The following FFAR1 variants were observed in gnomAD, a reference collection of about 807,000 sequenced individuals.
FFAR1 encodes the protein G-protein coupled receptor 40.
For missense variants in FFAR1, 424 were observed against 396.2 expected (o/e 1.07, Z -0.60); for synonymous variants, 216 against 201.5 (o/e 1.07, Z -0.61).
rs376911636 is a variant in FFAR1, at chr19:35,352,529, C to T, written c.*75C>T. ...TCCAGGCCCCTGCGGGGGGCTGCTT[C>T]GGAGGAACTGCAGGGCAGCCTGGCC... On this transcript the variant is annotated 3_prime_UTR_variant, in exon 1 of 1. Transcript: ENST00000246553. 7.5e-6 allele frequency: 11 copies of T among 1,469,712 alleles called. No individual in the cohort carries two copies. The African/African-American group carries it at 1.5e-4, about 21-fold the overall frequency. 91.0% of individuals were successfully genotyped at this position (1,469,712 alleles called of 1,614,324 possible). A position where few individuals can be genotyped will look rare whatever the true frequency, so the allele number is the denominator to read the frequency against.
chr19:35,351,759 G>C lies in FFAR1; in HGVS notation c.208G>C (p.Gly70Arg), dbSNP rs765530284. 25 of 1,569,516 alleles carry C rather than the reference G, an allele frequency of 1.6e-5. No individual in the cohort carries two copies. In the South Asian group the frequency reaches 1.8e-4, roughly 12 times the overall value. ...GAAGGCGGTGGAGGCGCTAGCCTCCGGGGCCTGGCCTCTGCCGGCCTCGCT... is the reference window on the plus strand; with the variant it reads ...GAAGGCGGTGGAGGCGCTAGCCTCCCGGGCCTGGCCTCTGCCGGCCTCGCT... Residue 70 changes from glycine to arginine, a missense_variant, in exon 1 of 1, where the codon GGG becomes CGG. Gly to Arg is a moderately radical substitution (Grantham distance 125). Transcript: ENST00000246553.
chr19:35,350,977 G>T (rs1003512240), upstream of FFAR1, among the ~76,000 whole-genome samples: 6 of 152,090 alleles, frequency 3.9e-5, no homozygotes, highest in African/African-American at 1.4e-4. Context: ...GGCTCTCCCT[G>T]GGGGACCCCC....
upstream of FFAR1, chr19:35,351,521 C>T (rs2066944099): frequency 6.5e-7 from 1 of 1,535,992 alleles, no homozygotes; most frequent in East Asian, 2.4e-5. Flanking sequence ...AGGTTGCACA[C>T]AGGAGCCGTG....
At chr19:35,350,096 G>A (rs143490498), upstream of FFAR1, among the ~76,000 whole-genome samples, 658 of 152,216 alleles carry the variant, frequency 4.3e-3, 7 homozygotes, top group African/African-American at 0.014. Context: ...GGGGGGAGTC[G>A]GCTTGGACAT....
upstream of FFAR1, among the ~76,000 whole-genome samples, chr19:35,350,244 T>C (rs1028072662): frequency 5.9e-5 from 9 of 152,192 alleles, no homozygotes; most frequent in Admixed American, 2.6e-4. Context: ...GCCACCACCA[T>C]GGGGCTAGTG....
exon 1 of FFAR1, chr19:35,352,777 G>A (rs1184907007): frequency 7.4e-6 from 3 of 405,210 alleles, no homozygotes; most frequent in South Asian, 3.1e-5. Context: ...TTGTACTTAC[G>A]GGAAGGAGGA....
chr19:35,353,413 C>T (rs1449599888), exon 1 of FFAR1: 1 of 152,016 alleles, frequency 6.6e-6, no homozygotes, highest in Non-Finnish European at 1.5e-5. Flanking sequence ...CCCTTGAGCC[C>T]AGGATTGAGG....
At chr19:35,352,242 C>G (rs1396971633) in exon 1 of FFAR1, 2 of 1,558,854 alleles carry the variant, frequency 1.3e-6, no homozygotes, top group South Asian at 2.3e-5. Flanking sequence ...CGGGGCCCTC[C>G]TCACGCTGCT....
exon 1 of FFAR1, chr19:35,351,670 C>CTAT (rs1568495671): frequency 7.1e-6 from 11 of 1,556,878 alleles, no homozygotes; most frequent in Non-Finnish European, 9.5e-6. Flanking sequence ...CGTCTCACCC[C>CTAT]TAGCCTGGTC....
chr19:35,348,768 T>C (rs2066932031), upstream of FFAR1, among the ~76,000 whole-genome samples: 1 of 152,084 alleles, frequency 6.6e-6, no homozygotes, highest in Non-Finnish European at 1.5e-5. Flanking sequence ...ACCAAAAAGA[T>C]AAGGCGTAGG....
upstream of FFAR1, among the ~76,000 whole-genome samples, chr19:35,348,533 A>G (rs1248962731): frequency 3.9e-5 from 6 of 152,188 alleles, no homozygotes; most frequent in Admixed American, 6.5e-5. Context: ...TGGGAGGCGG[A>G]GGTAGCGGTG....
At chr19:35,353,752 C>A (rs1338244194) in exon 1 of FFAR1, 2 of 152,232 alleles carry the variant, frequency 1.3e-5, no homozygotes, top group Non-Finnish European at 2.9e-5. Context: ...TTTATAATGT[C>A]ATGACTTTTC....
Position 35,352,609 on chromosome 19 carries a change from C to T in FFAR1, c.*155C>T, listed in dbSNP as rs538021112. On this transcript the variant is annotated 3_prime_UTR_variant, in exon 1 of 1. Coordinates refer to ENST00000246553, the Ensembl canonical transcript of FFAR1. ...AGAGCGGCGCCTGCTGAGGGCAGCA[C>T]CCCAGTCAAGAGAGGAGCACCGAGC... 3.2e-3 allele frequency: 2,498 copies of T among 784,538 alleles called. 7 individuals are homozygous for T. Among genetic ancestry groups the T allele is most frequent in the Non-Finnish European group, 4.0e-3 (2,043 of 505,450 alleles). The allele number at this position is 784,538 out of a possible 1,614,324, so 48.6% of individuals were successfully genotyped here. A position where few individuals can be genotyped will look rare whatever the true frequency, so the allele number is the denominator to read the frequency against.
chr19:35,352,568 G>A, exon 1 of FFAR1: 1 of 1,190,396 alleles, frequency 8.4e-7, no homozygotes, highest in Non-Finnish European at 1.2e-6. Context: ...AGGCCTCCCT[G>A]GAGCCACTCA....
At chr19:35,352,347 G>T (rs1568496110) in exon 1 of FFAR1, 1 of 1,552,418 alleles carries the variant, frequency 6.4e-7, no homozygotes, top group South Asian at 1.2e-5. Flanking sequence ...CATCACGGGT[G>T]CCTGGAGTGT....
upstream of FFAR1, among the ~76,000 whole-genome samples, chr19:35,350,123 C>A (rs1014027024): frequency 2.0e-5 from 3 of 152,144 alleles, no homozygotes; most frequent in African/African-American, 7.2e-5. Flanking sequence ...CACCCCTTGA[C>A]AGGCAGAGTG....
exon 1 of FFAR1, chr19:35,352,077 C>A: frequency 3.7e-6 from 6 of 1,613,182 alleles, no homozygotes; most frequent in Non-Finnish European, 5.1e-6. Flanking sequence ...GGCCTGGGAC[C>A]CGGCCTCTGC....
upstream of FFAR1, chr19:35,351,453 G>A (rs1440245853): frequency 1.6e-5 from 17 of 1,077,486 alleles, no homozygotes; most frequent in South Asian, 2.7e-5. Flanking sequence ...GCTGGAACCC[G>A]CGAGTGATCC....
chr19:35,351,108 G>A (rs534395668), upstream of FFAR1, among the ~76,000 whole-genome samples: 30 of 152,310 alleles, frequency 2.0e-4, no homozygotes, highest in African/African-American at 6.3e-4. Flanking sequence ...GAACCAGGGA[G>A]GGCAGTGGGC....
Sources: gnomAD v4.1 joint callset for allele counts (sites outside exome capture counted in the v4.1 genomes callset) on GRCh38, gnomAD v4.1.1 for gene constraint, MANE v1.5 for transcripts, NCBI Gene and HGNC (gene_info 2026-07-23, HGNC 2026-07-21) for gene names.